Variants in WASHC5 observed in about 807,000 individuals in gnomAD.
WASHC5 encodes the protein WASH complex subunit 5.
Under a neutral mutation model 150.4 loss-of-function variants are expected in WASHC5, and 101 were observed. The ratio of observed to expected loss-of-function variants is 0.67; its 90% CI spans 0.57 to 0.79. The LOEUF is 0.79. WASHC5 is among the 30% of genes least tolerant of loss of function. The probability of loss-of-function intolerance (pLI) is 0.00; values close to 1 mark genes in which losing one functional copy is unlikely to be tolerated. For synonymous variants in WASHC5, 467 were observed against 491.2 expected, an observed-to-expected ratio of 0.95 and a Z score of 0.65; for missense variants, 1,195 against 1,396.3, an observed-to-expected ratio of 0.86 and a Z score of 2.30.
chr8:125,048,621 C>T (rs931373805), intron 19 of WASHC5, among the ~76,000 whole-genome samples: 3 of 152,182 alleles, frequency 2.0e-5, no homozygotes, highest in Admixed American at 6.5e-5. Context: ...TACCGTGGAA[C>T]ACAGTTTGGC....
intron 10 of WASHC5, among the ~76,000 whole-genome samples, chr8:125,064,819 A>G (rs1429423544): frequency 6.6e-6 from 1 of 152,124 alleles, no homozygotes; most frequent in Admixed American, 6.5e-5. Flanking sequence ...CTCCATCTGC[A>G]GGTGGAGAAT....
chr8:125,039,239 C>G (rs1004183115), intron 24 of WASHC5, among the ~76,000 whole-genome samples: 1 of 152,176 alleles, frequency 6.6e-6, no homozygotes, highest in Non-Finnish European at 1.5e-5. Flanking sequence ...TTGTCAAAAG[C>G]ACTGACTTGG....
chr8:125,044,816 G>A, intron 20 of WASHC5, 118 bp from the exon 21 acceptor site: 1 of 1,057,616 alleles, frequency 9.5e-7, no homozygotes, highest in Non-Finnish European at 1.5e-6. Flanking sequence ...CATGATCTGT[G>A]TTTTCTAACC....
chr8:125,070,580 T>C (rs1185229022), intron 9 of WASHC5, among the ~76,000 whole-genome samples: 1 of 152,340 alleles, frequency 6.6e-6, no homozygotes, highest in East Asian at 1.9e-4. Flanking sequence ...AAGTGAGGGC[T>C]TGAGTTGTTT....
chr8:125,047,396 A>G lies in WASHC5; in HGVS notation c.2380-65T>C, dbSNP rs187467263. The G allele has an allele frequency of 5.3e-6, 8 of 1,503,892 alleles. No individual in the cohort carries two copies. In the Admixed American group the frequency reaches 6.7e-5, roughly 13 times the overall value. 93.2% of individuals were successfully genotyped at this position (1,503,892 alleles called of 1,614,324 possible). On this transcript the variant is annotated intron_variant, in intron 19 of 28. Coordinates refer to ENST00000318410, the MANE Select transcript of WASHC5 (RefSeq NM_014846.4). ...AAGATAACCTAGTTATCCCTTTTCC[A>G]TATAATTTTACAAAGATAATATTGC...
Position 125,037,217 on chromosome 8 carries a change from AT to A in WASHC5, c.3181+19del. 1 of 1,406,356 alleles carries A rather than the reference AT, an allele frequency of 7.1e-7. No individual in the cohort carries two copies. The highest frequency in any genetic ancestry group is 1.2e-5 in the South Asian group (1 of 86,680). 87.1% of individuals were successfully genotyped at this position (1,406,356 alleles called of 1,614,324 possible). On this transcript the variant is annotated intron_variant, in intron 26 of 28. Coordinates refer to ENST00000318410, the MANE Select transcript of WASHC5 (RefSeq NM_014846.4). ...CTGTTGGTATTGTTACTCATTGCAAATAATAAATGTTATACGTACCCAGATT... is the reference window on the plus strand; with the variant it reads ...CTGTTGGTATTGTTACTCATTGCAAAAATAAATGTTATACGTACCCAGATT...
At chr8:125,071,919 G>A (rs1816906869) in intron 9 of WASHC5, among the ~76,000 whole-genome samples, 1 of 152,210 alleles carries the variant, frequency 6.6e-6, no homozygotes, top group African/African-American at 2.4e-5. Context: ...AGCAGCTAAA[G>A]GCTGCCTGTA....
rs999277021 is a variant in WASHC5 at position 125,048,879 on chromosome 8, G to C, written c.2379+127C>G. 12 of 764,196 alleles carry C rather than the reference G, an allele frequency of 1.6e-5. No individual in the cohort carries two copies. The Admixed American group carries it at 3.2e-4, about 20-fold the overall frequency. The allele number at this position is 764,196 out of a possible 1,614,324, so 47.3% of individuals were successfully genotyped here. Reference sequence around the variant, plus strand: ...CTTTTCTGCAACCCTCCTGGCTCCTGAAAGTACTCTGAAGGTACTGAGACT... The same window carrying C: ...CTTTTCTGCAACCCTCCTGGCTCCTCAAAGTACTCTGAAGGTACTGAGACT... On this transcript the variant is annotated intron_variant, in intron 19 of 28. Transcript: ENST00000318410.
At chr8:125,089,325 G>A (rs73704529) in intron 1 of WASHC5, among the ~76,000 whole-genome samples, 13,064 of 151,972 alleles carry the variant, frequency 0.086, 955 homozygotes, top group African/African-American at 0.2. Flanking sequence ...TGGCTTCCCT[G>A]GGCAATATTG....
chr8:125,030,635 C>CAAA (rs1554589954), intron 27 of WASHC5, among the ~76,000 whole-genome samples: 1 of 77,582 alleles, frequency 1.3e-5, no homozygotes, highest in Non-Finnish European at 2.1e-5. Context: ...GACTCTTTCT[C>CAAA]ATAAAAAAAA....
chr8:125,069,531 C>A (rs753542057), intron 9 of WASHC5, among the ~76,000 whole-genome samples: 13 of 152,168 alleles, frequency 8.5e-5, no homozygotes, highest in Non-Finnish European at 1.9e-4. Flanking sequence ...GGATGTCTGG[C>A]AGGTACAGAA....
At chr8:125,027,148 T>C (rs185757279) in intron 28 of WASHC5, among the ~76,000 whole-genome samples, 1 of 152,374 alleles carries the variant, frequency 6.6e-6, no homozygotes, top group East Asian at 1.9e-4. Flanking sequence ...TCGATTGATG[T>C]ATTTCATACA....
rs766834018 is a variant in WASHC5, at chr8:125,049,065, C to T, written c.2320G>A (p.Val774Ile). ...ACGTTGTAATTTATGATACGAGATACTTCTTCCTGCCAAATCTTCAGACCA... is the reference window on the plus strand; with the variant it reads ...ACGTTGTAATTTATGATACGAGATATTTCTTCCTGCCAAATCTTCAGACCA... ...IYGLKIWQEE[V>I]SRIINYNVEQ... The change falls in exon 19 of 29, where the codon GTA becomes ATA. Residue 774 changes from valine to isoleucine, a missense_variant. Around this residue, in one of 3 missense-constraint regions of WASHC5, gnomAD observed 997 missense variants for 1,168.1 expected, o/e 0.85. Transcript: ENST00000318410. 2 of 1,613,862 alleles carry T rather than the reference C, an allele frequency of 1.2e-6. No homozygotes were observed. The highest frequency in any genetic ancestry group is 8.5e-7 in the Non-Finnish European group (1 of 1,179,906).
At chr8:125,080,730 G>C (rs544525679) in intron 5 of WASHC5, among the ~76,000 whole-genome samples, 1 of 152,296 alleles carries the variant, frequency 6.6e-6, no homozygotes, top group African/African-American at 2.4e-5. Context: ...AAATTAAAAA[G>C]TTGGTTAAGG....
intron 18 of WASHC5, 79 bp downstream of exon 18, chr8:125,050,485 G>T (rs948732048): frequency 7.4e-6 from 7 of 941,648 alleles, no homozygotes; most frequent in Admixed American, 6.9e-5. Context: ...TCTTGTTCGC[G>T]ATAGGTTAAA....
At chr8:125,036,016 C>T (rs533518770) in intron 26 of WASHC5, among the ~76,000 whole-genome samples, 25 of 152,214 alleles carry the variant, frequency 1.6e-4, no homozygotes, top group Middle Eastern at 6.8e-3. Context: ...AATATTCTGA[C>T]GAATGACAAA....
intron 14 of WASHC5, among the ~76,000 whole-genome samples, chr8:125,058,018 A>C (rs762268189): frequency 9.9e-5 from 15 of 151,848 alleles, no homozygotes; most frequent in Admixed American, 2.6e-4. Flanking sequence ...TTTGAGAGCC[A>C]CTGTGCCACA....
At chr8:125,064,107 T>G (rs899383502) in intron 10 of WASHC5, among the ~76,000 whole-genome samples, 2 of 152,214 alleles carry the variant, frequency 1.3e-5, no homozygotes, top group African/African-American at 4.8e-5. Context: ...ATGAACTAGA[T>G]TACCTGCAAA....
intron 1 of WASHC5, among the ~76,000 whole-genome samples, chr8:125,089,898 A>G (rs1046037730): frequency 3.3e-5 from 5 of 151,894 alleles, no homozygotes; most frequent in Admixed American, 6.6e-5. Flanking sequence ...TTACCTAGGT[A>G]AATCACCTTT....
Sources: allele counts gnomAD v4.1 joint callset (sites outside exome capture counted in the v4.1 genomes callset), GRCh38; gene constraint gnomAD v4.1.1; regional missense constraint gnomAD v4.1.1; transcripts MANE v1.5; gene names NCBI Gene and HGNC (gene_info 2026-07-23, HGNC 2026-07-21).